POC1B: variants seen among roughly 807,000 people sequenced by gnomAD.
POC1B encodes POC1 centriolar protein homolog B.
A neutral mutation model predicts 60.6 loss-of-function variants in POC1B; 44 were observed. The observed-to-expected ratio is 0.73, with a 90% CI of 0.57 to 0.93. The LOEUF is 0.93. POC1B is among the 40% of genes least tolerant of loss of function. The pLI is 0.00. For missense variants in POC1B, 555 were observed against 572.3 expected (o/e 0.97, Z 0.31); for synonymous variants, 180 against 198.9 (o/e 0.90, Z 0.80).
chr12:89,525,740 C>G, intron 1 of POC1B, 141 bp downstream of exon 1: 2 of 1,301,844 alleles, frequency 1.5e-6, no homozygotes, highest in Non-Finnish European at 2.0e-6. Context: ...GATACGGACG[C>G]CCCGGGACGA....
At chr12:89,520,783 A>T in intron 2 of POC1B, 1 of 152,132 alleles carries the variant, frequency 6.6e-6, no homozygotes, top group East Asian at 1.9e-4. Context: ...AATACAGTGG[A>T]CTCTTTACGA....
At chr12:89,432,566 C>T (rs1350176252) in intron 10 of POC1B, among the ~76,000 whole-genome samples, 5 of 151,966 alleles carry the variant, frequency 3.3e-5, no homozygotes, top group Non-Finnish European at 2.9e-5. Flanking sequence ...CATGGTTATA[C>T]TCTAGTGGGT....
chr12:89,525,453 C>A (rs1001173031), intron 1 of POC1B: 33 of 1,354,738 alleles, frequency 2.4e-5, no homozygotes, highest in Non-Finnish European at 3.1e-5. Flanking sequence ...CAGAGTCCAG[C>A]GCATCGCAGG....
rs745305673 is a variant in POC1B, at chr12:89,421,252, AAC to A, written c.1336_1337del (p.Val446PhefsTer13). 6.3e-7 allele frequency: 1 copy of A among 1,590,632 alleles called. No homozygotes were observed. The highest frequency in any genetic ancestry group is 8.6e-7 in the Non-Finnish European group (1 of 1,162,622). On this transcript the variant is annotated frameshift_variant, in exon 12 of 12. Coordinates refer to ENST00000313546, the MANE Select transcript of POC1B (RefSeq NM_172240.3). LOFTEE classifies it high-confidence loss of function. ...AAGTCAGTCGCTGCTCCAAGATTGAAACAGTCTGCAAAAAGGAGGATAAAATA... is the reference window on the plus strand; with the variant it reads ...AAGTCAGTCGCTGCTCCAAGATTGAAAGTCTGCAAAAAGGAGGATAAAATA... ...MEQLNVLTQT[V>X]SILEQRLTLT...
intron 4 of POC1B, among the ~76,000 whole-genome samples, chr12:89,474,751 ATTAC>A (rs1207747956): frequency 1.3e-5 from 2 of 152,172 alleles, no homozygotes; most frequent in African/African-American, 4.8e-5. Context: ...ACTGGCCCAA[ATTAC>A]TTAGAGCACT....
intron 1 of POC1B, chr12:89,525,425 C>A (rs531176080): frequency 7.2e-7 from 1 of 1,380,514 alleles, no homozygotes; most frequent in African/African-American, 1.5e-5. Flanking sequence ...GCCCGCAAAA[C>A]GCTCTGTTCG....
chr12:89,502,208 A>G, intron 2 of POC1B: 1 of 1,143,400 alleles, frequency 8.7e-7, no homozygotes, highest in Non-Finnish European at 1.3e-6. Context: ...AATAATAATG[A>G]TGTGGATGAT....
intron 1 of POC1B, 22 bp downstream of exon 1, chr12:89,525,859 C>A (rs1174593619): frequency 2.1e-6 from 3 of 1,426,566 alleles, no homozygotes; most frequent in South Asian, 1.5e-5. Context: ...AGGGACCCCC[C>A]CCACCTCCAA....
chr12:89,509,054 A>T (rs1870045319), intron 2 of POC1B, among the ~76,000 whole-genome samples: 1 of 152,226 alleles, frequency 6.6e-6, no homozygotes, highest in Admixed American at 6.5e-5. Context: ...TAATTTTAGC[A>T]TCCTTTCATA....
intron 2 of POC1B, among the ~76,000 whole-genome samples, chr12:89,510,611 C>T (rs930240721): frequency 2.6e-5 from 4 of 152,214 alleles, no homozygotes; most frequent in Non-Finnish European, 2.9e-5. Context: ...ATAGTTTTCA[C>T]ACTCTCTGTA....
intron 10 of POC1B, among the ~76,000 whole-genome samples, chr12:89,437,718 G>A (rs1881329533): frequency 6.6e-6 from 1 of 151,556 alleles, no homozygotes; most frequent in South Asian, 2.1e-4. Flanking sequence ...TCATTGCTTG[G>A]TATATAACAG....
intron 10 of POC1B, among the ~76,000 whole-genome samples, chr12:89,438,073 AATCT>A (rs1219782824): frequency 1.3e-5 from 2 of 151,654 alleles, no homozygotes; most frequent in Non-Finnish European, 2.9e-5. Flanking sequence ...AAAATTAAAA[AATCT>A]ATTATAGCTT....
intron 2 of POC1B, chr12:89,522,965 T>C (rs1336719275): frequency 1.4e-5 from 23 of 1,613,964 alleles, no homozygotes; most frequent in Non-Finnish European, 1.9e-5. Context: ...TGCCAAATAA[T>C]GTTTGCTGGT....
intron 4 of POC1B, among the ~76,000 whole-genome samples, chr12:89,490,295 A>T (rs1868886908): frequency 6.6e-6 from 1 of 152,168 alleles, no homozygotes; most frequent in African/African-American, 2.4e-5. Flanking sequence ...AATAGGGAAA[A>T]TAAAACAATC....
intron 2 of POC1B, among the ~76,000 whole-genome samples, chr12:89,505,869 G>A (rs746985767): frequency 3.9e-5 from 6 of 152,192 alleles, no homozygotes; most frequent in Non-Finnish European, 8.8e-5. Context: ...ACTAGACTGC[G>A]AGCCTTGGAA....
intron 2 of POC1B, chr12:89,501,591 A>C: frequency 7.3e-7 from 1 of 1,375,314 alleles, no homozygotes. Flanking sequence ...AAGAATCTAA[A>C]AAGAAGCGCT....
chr12:89,429,711 G>A (rs764557028), intron 10 of POC1B, among the ~76,000 whole-genome samples: 5 of 152,136 alleles, frequency 3.3e-5, no homozygotes, highest in Non-Finnish European at 7.3e-5. Flanking sequence ...CACAATGCCT[G>A]GCTCATCTCT....
At chr12:89,440,453 G>A (rs2120720194) in intron 10 of POC1B, among the ~76,000 whole-genome samples, 1 of 152,364 alleles carries the variant, frequency 6.6e-6, no homozygotes, top group African/African-American at 2.4e-5. Context: ...CCACCTTGGT[G>A]TGAGGAATGG....
At chr12:89,412,607 G>GTT in the POC1B span, among the ~76,000 whole-genome samples, 1 of 151,594 alleles carries the variant, frequency 6.6e-6, no homozygotes, top group African/African-American at 2.4e-5. Context: ...AACCCGGGAG[G>GTT]TGGAAGTTGC....
Sources: gnomAD v4.1 joint callset for allele counts (sites outside exome capture counted in the v4.1 genomes callset) on GRCh38, gnomAD v4.1.1 for gene constraint, MANE v1.5 for transcripts, NCBI Gene and HGNC (gene_info 2026-07-23, HGNC 2026-07-21) for gene names.